The following RBFOX1 variants were observed in gnomAD, a reference collection of about 807,000 sequenced individuals.
RBFOX1 encodes the protein RNA binding fox-1 homolog 1, also known as RNA binding protein fox-1 homolog 1.
RBFOX1 carries 8 observed loss-of-function variants against 57.7 expected under a neutral mutation model. The ratio of observed to expected loss-of-function variants is 0.14; its 90% CI spans 0.08 to 0.25. The LOEUF (loss-of-function observed/expected upper bound fraction) is 0.25, where lower values mean the gene tolerates loss of function less well. Among genes scored for constraint, RBFOX1 ranks in the 10% least tolerant of loss-of-function variants. The pLI is 1.00. For missense variants in RBFOX1, 611 were observed against 548.5 expected (o/e 1.11, Z -1.14); for synonymous variants, 326 against 222.4 (o/e 1.47, Z -4.15).
chr16:5,944,964 TA>T (rs386384118), intron 4 of RBFOX1, among the ~76,000 whole-genome samples: 923 of 48,048 alleles, frequency 0.019, 3 homozygotes, highest in Admixed American at 0.028. Flanking sequence ...GACTCTGTCA[TA>T]AAAAAAAAAA....
intron 1 of RBFOX1, among the ~76,000 whole-genome samples, chr16:5,341,791 C>T (rs1596579797): frequency 3.3e-5 from 5 of 152,266 alleles, no homozygotes; most frequent in Admixed American, 3.3e-4. Context: ...GGAAGAGAAA[C>T]ACTTTATGGA....
chr16:5,607,346 G>A (rs775133124), intron 3 of RBFOX1, among the ~76,000 whole-genome samples: 8 of 152,194 alleles, frequency 5.3e-5, no homozygotes, highest in African/African-American at 1.2e-4. Flanking sequence ...ATTAAAGGAA[G>A]TTGGACTTGC....
At chr16:7,149,669 C>T (rs1426523943) in intron 4 of RBFOX1, among the ~76,000 whole-genome samples, 2 of 151,728 alleles carry the variant, frequency 1.3e-5, no homozygotes, top group African/African-American at 4.8e-5. Context: ...CCGCAGGCCT[C>T]CCAAAGTGCT....
At chr16:7,514,009 C>G (rs541822740) in intron 4 of RBFOX1, among the ~76,000 whole-genome samples, 3 of 152,248 alleles carry the variant, frequency 2.0e-5, no homozygotes, top group African/African-American at 7.2e-5. Context: ...ACTTCACTGC[C>G]TGCTTTATTT....
At chr16:6,788,569 G>T (rs1218240456) in intron 3 of RBFOX1, among the ~76,000 whole-genome samples, 2 of 151,754 alleles carry the variant, frequency 1.3e-5, no homozygotes, top group Admixed American at 1.3e-4. Flanking sequence ...TCTGCCTTCT[G>T]GGTTCACGCC....
rs569380874 is a variant in RBFOX1, at chr16:5,883,134, C to T, written c.351+15799C>T. Among the ~76,000 whole-genome samples, 75 of 152,156 alleles carry T rather than the reference C, an allele frequency of 4.9e-4. 2 individuals are homozygous for T. The South Asian group carries it at 0.015, about 30-fold the overall frequency. Reference sequence around the variant, plus strand: ...ATCATACAGTACTGTGTGTTATATTCCCTCCATTCTTAGATATCAGGGGTT... The same window carrying T: ...ATCATACAGTACTGTGTGTTATATTTCCTCCATTCTTAGATATCAGGGGTT... On this transcript the variant is annotated intron_variant, in intron 4 of 19. Transcript: ENST00000641259.
At chr16:5,444,725 C>T (rs998540753) in intron 1 of RBFOX1, among the ~76,000 whole-genome samples, 1 of 152,188 alleles carries the variant, frequency 6.6e-6, no homozygotes, top group Non-Finnish European at 1.5e-5. Flanking sequence ...AGAGAACAGT[C>T]ACCATGCACA....
chr16:7,628,879 C>T (rs2060489458), intron 10 of RBFOX1, among the ~76,000 whole-genome samples: 1 of 152,100 alleles, frequency 6.6e-6, no homozygotes, highest in Non-Finnish European at 1.5e-5. Flanking sequence ...TCCCAAAGTA[C>T]TGGAATGACA....
At position 7,689,438 on chromosome 16, in the gene RBFOX1, A is replaced by T. The variant is rs775399878; in HGVS notation, c.995+12600A>T. 2.7e-4 allele frequency among the ~76,000 whole-genome samples: 41 copies of T among 152,108 alleles called. 1 individual carries two copies. Among genetic ancestry groups the T allele is most frequent in the Non-Finnish European group, 4.4e-4 (30 of 67,998 alleles). ...AGGAGGCGTGATTCCCTCACAGCAGAATCTGCTACCTACAGAACAGTGAAA... is the reference window on the plus strand; with the variant it reads ...AGGAGGCGTGATTCCCTCACAGCAGTATCTGCTACCTACAGAACAGTGAAA... On this transcript the variant is annotated intron_variant, in intron 14 of 15. Transcript: ENST00000550418.
intron 2 of RBFOX1, among the ~76,000 whole-genome samples, chr16:6,633,540 C>T (rs548721846): frequency 2.6e-5 from 4 of 152,154 alleles, no homozygotes; most frequent in African/African-American, 7.2e-5. Flanking sequence ...GTGATCCCCC[C>T]ACCTGGGCCT....
At chr16:5,848,105 C>G (rs1176912433) in intron 3 of RBFOX1, among the ~76,000 whole-genome samples, 1 of 152,082 alleles carries the variant, frequency 6.6e-6, no homozygotes, top group African/African-American at 2.4e-5. Context: ...TGTTCCTTGT[C>G]TGTGAGGAAC....
At chr16:5,439,237 G>A (rs1373171929) in intron 1 of RBFOX1, among the ~76,000 whole-genome samples, 5 of 152,090 alleles carry the variant, frequency 3.3e-5, no homozygotes, top group African/African-American at 1.2e-4. Context: ...TCCAGGAAGG[G>A]ATAGAATCTT....
At chr16:6,601,929 T>C (rs1339433445) in intron 2 of RBFOX1, among the ~76,000 whole-genome samples, 1 of 152,154 alleles carries the variant, frequency 6.6e-6, no homozygotes, top group Non-Finnish European at 1.5e-5. Context: ...TGACTAGTGG[T>C]AATGGGGTCA....
chr16:5,968,157 C>T (rs894021572), intron 4 of RBFOX1, among the ~76,000 whole-genome samples: 1 of 152,186 alleles, frequency 6.6e-6, no homozygotes, highest in Non-Finnish European at 1.5e-5. Context: ...TCACTGCAAC[C>T]TCCACCTCCT....
intron 4 of RBFOX1, among the ~76,000 whole-genome samples, chr16:7,494,737 C>G (rs1054749097): frequency 6.6e-6 from 1 of 151,672 alleles, no homozygotes; most frequent in Non-Finnish European, 1.5e-5. Flanking sequence ...AACAGGCCTT[C>G]TGAGTCTGGA....
intron 3 of RBFOX1, among the ~76,000 whole-genome samples, chr16:6,904,103 C>A (rs188328370): frequency 6.6e-6 from 1 of 152,278 alleles, no homozygotes; most frequent in East Asian, 1.9e-4. Context: ...TCTTATTCAC[C>A]ACCCCTATAC....
intron 1 of RBFOX1, among the ~76,000 whole-genome samples, chr16:6,148,138 G>A (rs149814441): frequency 8.7e-4 from 132 of 152,292 alleles, no homozygotes; most frequent in Non-Finnish European, 1.5e-3. Flanking sequence ...ACACCAGCCC[G>A]GCAAACATGG....
At chr16:6,813,833 T>C (rs1187239481) in intron 3 of RBFOX1, among the ~76,000 whole-genome samples, 22 of 151,924 alleles carry the variant, frequency 1.4e-4, no homozygotes, top group Admixed American at 1.4e-3. Flanking sequence ...GCGCTGTTGA[T>C]ACCCCCAACC....
At chr16:7,621,562 A>T (rs937244296) in intron 10 of RBFOX1, among the ~76,000 whole-genome samples, 2 of 152,190 alleles carry the variant, frequency 1.3e-5, no homozygotes, top group Non-Finnish European at 2.9e-5. Context: ...CACCTGGCCT[A>T]ATTGTTTTAT....
Sources: gnomAD v4.1 joint callset for allele counts (sites outside exome capture counted in the v4.1 genomes callset) on GRCh38, gnomAD v4.1.1 for gene constraint, MANE v1.5 for transcripts, NCBI Gene and HGNC (gene_info 2026-07-23, HGNC 2026-07-21) for gene names.